DLGAP2: variants seen among roughly 807,000 people sequenced by gnomAD.
DLGAP2 encodes the protein DLG associated protein 2.
DLGAP2 carries 26 observed loss-of-function variants against 100.3 expected under a neutral mutation model. The ratio of observed to expected loss-of-function variants is 0.26; its 90% CI spans 0.19 to 0.36. DLGAP2 has a LOEUF of 0.36. Ranked by LOEUF, DLGAP2 falls within the 10% of genes least tolerant of loss-of-function variation. The pLI is 1.00. For missense variants in DLGAP2, 1,858 were observed against 1,453.2 expected, an observed-to-expected ratio of 1.28 and a Z score of -4.53; for synonymous variants, 886 against 630.1, an observed-to-expected ratio of 1.41 and a Z score of -6.08.
intron 6 of DLGAP2, among the ~76,000 whole-genome samples, chr8:1,595,688 A>AG (rs35689795): frequency 0.27 from 40,107 of 147,778 alleles, 6,174 homozygotes; most frequent in East Asian, 0.5. Flanking sequence ...AAAAAAAAAA[A>AG]AAAGAAATAG....
At chr8:1,343,821 C>T (rs1387742452) in intron 3 of DLGAP2, among the ~76,000 whole-genome samples, 5 of 152,140 alleles carry the variant, frequency 3.3e-5, no homozygotes, top group Admixed American at 6.5e-5. Context: ...CCTCCCTGCA[C>T]GTCCACCCGT....
chr8:1,000,317 C>G (rs1171917226), intron 2 of DLGAP2, among the ~76,000 whole-genome samples: 2 of 145,982 alleles, frequency 1.4e-5, no homozygotes, highest in Admixed American at 1.4e-4. Context: ...TTGATGTTCT[C>G]TAGAGCGGAC....
At chr8:799,169 G>A (rs531296691) in intron 1 of DLGAP2, among the ~76,000 whole-genome samples, 61 of 152,242 alleles carry the variant, frequency 4.0e-4, no homozygotes, top group African/African-American at 1.4e-3. Flanking sequence ...TTGGGAGGCC[G>A]ACACCCCAGG....
rs547103137 is a variant in DLGAP2 at position 1,347,647 on chromosome 8, G to C, written c.106+88764G>C. Among the ~76,000 whole-genome samples, 394 of 151,748 alleles carry C rather than the reference G, an allele frequency of 2.6e-3. 2 individuals carry two copies. Among genetic ancestry groups the C allele is most frequent in the Non-Finnish European group, 4.5e-3 (309 of 67,944 alleles). ...CACTCATGGTAGCTGTGTGGAGGTTGAGTTCCCACACAGAGCTGCGCTGCT... is the reference window on the plus strand; with the variant it reads ...CACTCATGGTAGCTGTGTGGAGGTTCAGTTCCCACACAGAGCTGCGCTGCT... On this transcript the variant is annotated intron_variant, in intron 3 of 14. Coordinates refer to ENST00000637795, the MANE Select transcript of DLGAP2 (RefSeq NM_001346810.2).
chr8:915,423 T>C (rs528864257), intron 2 of DLGAP2, among the ~76,000 whole-genome samples: 1 of 152,242 alleles, frequency 6.6e-6, no homozygotes, highest in South Asian at 2.1e-4. Context: ...GGCTGGCACC[T>C]GTAGTCCTAG....
At chr8:858,860 G>A (rs1406960648) in intron 1 of DLGAP2, among the ~76,000 whole-genome samples, 1 of 152,200 alleles carries the variant, frequency 6.6e-6, no homozygotes, top group Non-Finnish European at 1.5e-5. Flanking sequence ...AACACCAAGA[G>A]TAGCCCTCGT....
chr8:829,979 C>T (rs573836497), intron 1 of DLGAP2, among the ~76,000 whole-genome samples: 1 of 152,228 alleles, frequency 6.6e-6, no homozygotes, highest in Admixed American at 6.5e-5. Context: ...GATAAATTAC[C>T]TCTATTTGAG....
intron 1 of DLGAP2, among the ~76,000 whole-genome samples, chr8:766,942 G>A (rs1416516123): frequency 2.6e-5 from 4 of 152,300 alleles, no homozygotes; most frequent in Non-Finnish European, 2.9e-5. Flanking sequence ...GGACATCCAA[G>A]GCCATGACTC....
At chr8:1,368,928 C>T (rs531588866) in intron 3 of DLGAP2, 4 of 152,332 alleles carry the variant, frequency 2.6e-5, no homozygotes, top group African/African-American at 9.6e-5. Context: ...GCATCCACAA[C>T]TGATCGTCCG....
At chr8:1,323,379 C>A (rs60411515) in intron 3 of DLGAP2, among the ~76,000 whole-genome samples, 20,281 of 152,134 alleles carry the variant, frequency 0.13, 1,687 homozygotes, top group African/African-American at 0.23. Context: ...TGCACATCCT[C>A]CGGGAGGAAA....
chr8:768,569 C>T (rs561493761), intron 1 of DLGAP2, among the ~76,000 whole-genome samples: 11 of 151,822 alleles, frequency 7.2e-5, no homozygotes, highest in South Asian at 6.3e-4. Flanking sequence ...GGACTACAGG[C>T]GCTTGCCACC....
At chr8:1,011,815 C>T (rs1257741336) in intron 2 of DLGAP2, among the ~76,000 whole-genome samples, 1 of 152,100 alleles carries the variant, frequency 6.6e-6, no homozygotes, top group East Asian at 1.9e-4. Context: ...AGTCCTCAGT[C>T]TGCACAGTGG....
At chr8:1,026,193 C>G (rs923506280) in intron 2 of DLGAP2, among the ~76,000 whole-genome samples, 1 of 152,156 alleles carries the variant, frequency 6.6e-6, no homozygotes, top group African/African-American at 2.4e-5. Context: ...TCATCCAGGA[C>G]GTGCCTCACG....
intron 8 of DLGAP2, among the ~76,000 whole-genome samples, chr8:1,655,241 C>G (rs183809874): frequency 6.6e-6 from 1 of 152,228 alleles, no homozygotes; most frequent in African/African-American, 2.4e-5. Flanking sequence ...TGTTTTGTGA[C>G]TAGCATTAAT....
At chr8:1,338,162 C>T (rs1267244946) in intron 3 of DLGAP2, among the ~76,000 whole-genome samples, 3 of 152,210 alleles carry the variant, frequency 2.0e-5, no homozygotes, top group Non-Finnish European at 4.4e-5. Flanking sequence ...ACCTTATGAC[C>T]CAGTGTGTGT....
rs1798557625 is a variant in DLGAP2, at chr8:1,464,355, T to G, written c.107-37011T>G. Among the ~76,000 whole-genome samples the G allele has an allele frequency of 1.3e-5, 2 of 148,722 alleles. 1 individual carries two copies. Among genetic ancestry groups the G allele is most frequent in the Non-Finnish European group, 3.0e-5 (2 of 67,086 alleles). On this transcript the variant is annotated intron_variant, in intron 3 of 14. Transcript: ENST00000637795. Reference sequence around the variant, plus strand: ...ACGGCACCCTTCCAGGACGGCACCCTTCCAGGACAACGCCCTTCCAGGATG... The same window carrying G: ...ACGGCACCCTTCCAGGACGGCACCCGTCCAGGACAACGCCCTTCCAGGATG...
At chr8:946,052 G>A (rs1343609222) in intron 2 of DLGAP2, among the ~76,000 whole-genome samples, 3 of 144,556 alleles carry the variant, frequency 2.1e-5, no homozygotes, top group Non-Finnish European at 4.6e-5. Context: ...GCGTAAACTT[G>A]CCTTCCAGGG....
chr8:1,243,782 C>T (rs1798848187), intron 2 of DLGAP2, among the ~76,000 whole-genome samples: 1 of 152,162 alleles, frequency 6.6e-6, no homozygotes. Flanking sequence ...AGGTGGGCCA[C>T]CCACCCTGCC....
At chr8:1,238,642 C>T (rs375341537) in intron 2 of DLGAP2, among the ~76,000 whole-genome samples, 1 of 106,686 alleles carries the variant, frequency 9.4e-6, no homozygotes, top group Non-Finnish European at 2.0e-5. Flanking sequence ...GTCTAGTTAC[C>T]TCTCACATGG....
Sources: allele counts gnomAD v4.1 joint callset (sites outside exome capture counted in the v4.1 genomes callset), GRCh38; gene constraint gnomAD v4.1.1; transcripts MANE v1.5; gene names NCBI Gene and HGNC (gene_info 2026-07-23, HGNC 2026-07-21).